COG6: variants seen among roughly 807,000 people sequenced by gnomAD.
The protein encoded by COG6 is component of oligomeric golgi complex 6.
COG6 carries 74 observed loss-of-function variants against 88.8 expected under a neutral mutation model. That is an observed-to-expected ratio of 0.83 (90% confidence interval 0.69 to 1.01). The LOEUF is 1.01. COG6 is among the 50% of genes least tolerant of loss of function. COG6 has a pLI of 0.00. For synonymous variants in COG6, 286 were observed against 278.7 expected (o/e 1.03, Z -0.26); for missense variants, 800 against 797.9 (o/e 1.00, Z -0.03).
At chr13:39,687,847 C>T (rs552687839) in intron 10 of COG6, 48 bp downstream of exon 10, 5 of 1,275,050 alleles carry the variant, frequency 3.9e-6, no homozygotes, top group Non-Finnish European at 3.4e-6. Context: ...GAAAATAACA[C>T]AAGCATCTCT....
chr13:39,720,447 C>A (rs1400333585), intron 15 of COG6, among the ~76,000 whole-genome samples: 3 of 152,010 alleles, frequency 2.0e-5, no homozygotes, highest in African/African-American at 7.2e-5. Flanking sequence ...TTTAAAAAAA[C>A]AACTCTGAAT....
chr13:39,790,995 A>C (rs1242945323), exon 19 of COG6: 1 of 152,094 alleles, frequency 6.6e-6, no homozygotes, highest in Non-Finnish European at 1.5e-5. Context: ...TAAATTAAGA[A>C]AATGTTTTTC....
At chr13:39,778,557 C>A (rs1242069622) in intron 18 of COG6, among the ~76,000 whole-genome samples, 1 of 151,958 alleles carries the variant, frequency 6.6e-6, no homozygotes, top group African/African-American at 2.4e-5. Context: ...CCTTCAGACC[C>A]CCCTGGATTG....
intron 18 of COG6, among the ~76,000 whole-genome samples, chr13:39,731,951 T>G (rs1405261655): frequency 6.6e-6 from 1 of 152,146 alleles, no homozygotes; most frequent in Non-Finnish European, 1.5e-5. Flanking sequence ...GAACCTGGAA[T>G]TCTTATGTCA....
intron 13 of COG6, among the ~76,000 whole-genome samples, chr13:39,718,399 G>A (rs191492264): frequency 2.6e-3 from 390 of 152,164 alleles, no homozygotes; most frequent in African/African-American, 9.1e-3. Flanking sequence ...TTTACAAAAT[G>A]TTACTTTATT....
downstream of COG6, among the ~76,000 whole-genome samples, chr13:39,754,241 G>A (rs543120507): frequency 1.1e-4 from 16 of 152,154 alleles, no homozygotes; most frequent in African/African-American, 3.9e-4. Context: ...TTCCTTTAGG[G>A]ATTTGTTACT....
chr13:39,699,670 A>G, intron 13 of COG6, 52 bp downstream of exon 13: 1 of 884,736 alleles, frequency 1.1e-6, no homozygotes, highest in South Asian at 1.3e-5. Context: ...CACATTAAAG[A>G]TGTTTTAGTG....
intron 13 of COG6, among the ~76,000 whole-genome samples, chr13:39,706,215 T>A (rs958250321): frequency 7.9e-6 from 1 of 126,730 alleles, no homozygotes; most frequent in Non-Finnish European, 1.6e-5. Context: ...ATATACTCCT[T>A]TATATATATA....
chr13:39,700,188 C>T (rs974753003), intron 13 of COG6, among the ~76,000 whole-genome samples: 1 of 151,810 alleles, frequency 6.6e-6, no homozygotes, highest in Non-Finnish European at 1.5e-5. Flanking sequence ...TGATCAAATC[C>T]TTCTTTATTT....
chr13:39,785,753 A>G (rs1327662454), intron 18 of COG6, among the ~76,000 whole-genome samples: 1 of 152,208 alleles, frequency 6.6e-6, no homozygotes. Flanking sequence ...ATTACACCTC[A>G]TACAACATCT....
At position 39,788,458 on chromosome 13, in the gene COG6, T is replaced by G. The variant is rs142359725; in HGVS notation, c.*102T>G. The stretch of plus-strand genomic sequence containing the variant: ...GCCTTGGGGACTGGCTATAGAAATG[T>G]GGCCAGATGGCTTTGTCATCTTCCC... On this transcript the variant is annotated 3_prime_UTR_variant, in exon 19 of 19. Coordinates refer to the COG6 transcript ENST00000416691. The G allele has an allele frequency of 4.8e-4, 536 of 1,121,928 alleles. 6 individuals are homozygous for G. The African/African-American group carries it at 7.5e-3, about 16-fold the overall frequency. 69.5% of individuals were successfully genotyped at this position (1,121,928 alleles called of 1,614,324 possible).
chr13:39,699,417 G>A, intron 12 of COG6, 84 bp from the exon 13 acceptor site: 2 of 693,418 alleles, frequency 2.9e-6, no homozygotes, highest in South Asian at 1.7e-5. Flanking sequence ...TTTAAATCTA[G>A]ATCCTTTTAA....
intron 18 of COG6, among the ~76,000 whole-genome samples, chr13:39,760,050 T>G (rs991888133): frequency 6.6e-6 from 1 of 152,204 alleles, no homozygotes; most frequent in East Asian, 1.9e-4. Flanking sequence ...TGTTCTTTGT[T>G]TCCATCAATG....
chr13:39,678,108 C>T, intron 5 of COG6: 3 of 441,834 alleles, frequency 6.8e-6, no homozygotes, highest in Non-Finnish European at 1.4e-5. Flanking sequence ...GCTCTGTCAA[C>T]CTGGCTGGAG....
intron 18 of COG6, among the ~76,000 whole-genome samples, chr13:39,767,733 ATG>A (rs1881208887): frequency 6.6e-6 from 1 of 152,168 alleles, no homozygotes; most frequent in Non-Finnish European, 1.5e-5. Flanking sequence ...CCCTGCAGTC[ATG>A]TTCCTTTCAC....
intron 18 of COG6, among the ~76,000 whole-genome samples, chr13:39,747,747 C>T (rs1880418482): frequency 1.3e-5 from 2 of 152,096 alleles, no homozygotes; most frequent in African/African-American, 2.4e-5. Flanking sequence ...TACAGACATT[C>T]GTGAGCTAAT....
chr13:39,716,936 T>A lies in COG6; in HGVS notation c.1285-2300T>A, dbSNP rs116069752. 5.0e-3 allele frequency among the ~76,000 whole-genome samples: 756 copies of A among 152,270 alleles called. 7 individuals carry two copies. The highest frequency in any genetic ancestry group is 0.017 in the African/African-American group (718 of 41,552). ...TCTTTTATAGTTATCTTTGTTGGAGTCTTGACCAGTGCTCTATTTCTTTAT... is the reference window on the plus strand; with the variant it reads ...TCTTTTATAGTTATCTTTGTTGGAGACTTGACCAGTGCTCTATTTCTTTAT... On this transcript the variant is annotated intron_variant, in intron 13 of 18. Coordinates refer to ENST00000455146, the MANE Select transcript of COG6 (RefSeq NM_020751.3).
chr13:39,713,364 T>G (rs1385009771), intron 13 of COG6, among the ~76,000 whole-genome samples: 2 of 152,190 alleles, frequency 1.3e-5, no homozygotes, highest in African/African-American at 2.4e-5. Flanking sequence ...AAAGACATAG[T>G]AAAGAGGGTC....
intron 18 of COG6, among the ~76,000 whole-genome samples, chr13:39,749,073 A>T (rs2138144242): frequency 6.6e-6 from 1 of 152,340 alleles, no homozygotes; most frequent in African/African-American, 2.4e-5. Flanking sequence ...AACTTAACAC[A>T]ATATTACTAT....
Sources: allele counts gnomAD v4.1 joint callset (sites outside exome capture counted in the v4.1 genomes callset), GRCh38; gene constraint gnomAD v4.1.1; transcripts MANE v1.5; gene names NCBI Gene and HGNC (gene_info 2026-07-23, HGNC 2026-07-21).